The following ARSK variants were observed in gnomAD, a reference collection of about 807,000 sequenced individuals.
ARSK encodes the protein arylsulfatase family member K.
Under a neutral mutation model 53.2 loss-of-function variants are expected in ARSK, and 37 were observed. That is an observed-to-expected ratio of 0.70 (90% CI 0.54 to 0.92). The LOEUF is 0.92. ARSK is among the 40% of genes least tolerant of loss of function. The pLI is 0.00. For missense variants in ARSK, 613 were observed against 643.0 expected (o/e 0.95, Z 0.51); for synonymous variants, 208 against 223.2 (o/e 0.93, Z 0.61).
At position 95,555,458 on chromosome 5, in the gene ARSK, C is replaced by T. The variant is rs1748477487; in HGVS notation, c.126+54C>T. On this transcript the variant is annotated intron_variant, in intron 1 of 7. Coordinates refer to ENST00000380009, the MANE Select transcript of ARSK (RefSeq NM_198150.3). This position sits in a 1 kb window ranked among gnomAD's most constrained non-coding sequence, Gnocchi z 4.0. The stretch of plus-strand genomic sequence containing the variant: ...CCCCGCTGGGGATCGGCGACCTCAC[C>T]GCCGCCGCCTGTGCTGCAGGCTTTG... 1.9e-6 allele frequency: 3 copies of T among 1,541,286 alleles called. No homozygotes were observed. Among genetic ancestry groups the T allele is most frequent in the Non-Finnish European group, 2.6e-6 (3 of 1,140,480 alleles).
intron 3 of ARSK, among the ~76,000 whole-genome samples, chr5:95,577,706 A>G (rs572935462): frequency 3.6e-4 from 55 of 152,324 alleles, no homozygotes; most frequent in African/African-American, 1.3e-3. Flanking sequence ...AGATTTCACA[A>G]GATAAAATCC....
rs767060897 is a variant in ARSK, at chr5:95,582,927, A to C, written c.428A>C (p.Glu143Ala). ...SGHHSISNRV[E>A]AWTRDVAFLL... ...TTTTGCCCCCTCAGTAATCGTGTGG[A>C]AGCGTGGACAAGAGATGTTGCTTTC... The change falls in exon 4 of 8, where the codon GAA becomes GCA. Residue 143 changes from glutamate (E) to alanine (A), a missense_variant. Glu to Ala is a moderately radical substitution (Grantham distance 107). Transcript: ENST00000380009. The C allele has an allele frequency of 3.7e-6, 6 of 1,605,730 alleles. No individual in the cohort carries two copies. In the African/African-American group the frequency reaches 5.3e-5, roughly 14 times the overall value.
Position 95,583,186 on chromosome 5 carries a change from T to C in ARSK, c.687T>C (p.Tyr229=). 6.4e-7 allele frequency: 1 copy of C among 1,566,388 alleles called. No homozygotes were observed. The highest frequency in any genetic ancestry group is 8.7e-7 in the Non-Finnish European group (1 of 1,151,266). Residue 229 remains tyrosine, a synonymous_variant, in exon 4 of 8, where the codon TAT becomes TAC. Transcript: ENST00000380009. Reference sequence around the variant, plus strand: ...CTTCAACATTTCACACATCTCTTTATTGGCTTGAAAAAGTAAGTAACTACA... The same window carrying C: ...CTTCAACATTTCACACATCTCTTTACTGGCTTGAAAAAGTAAGTAACTACA... ...FGSSTFHTSL[Y]WLEKVSHDAI...
chr5:95,589,094 A>C (rs1580227876), intron 5 of ARSK, among the ~76,000 whole-genome samples: 1 of 152,090 alleles, frequency 6.6e-6, no homozygotes. Flanking sequence ...CTGTCTTTAG[A>C]TCCCAGCTCA....
intron 6 of ARSK, among the ~76,000 whole-genome samples, chr5:95,599,015 C>T (rs111354473): frequency 1.2e-3 from 179 of 152,284 alleles, no homozygotes; most frequent in African/African-American, 4.2e-3. Context: ...TCTCCCTTAC[C>T]CTGCCTTCTT....
chr5:95,562,194 G>A (rs909929688), intron 1 of ARSK, among the ~76,000 whole-genome samples: 4 of 151,934 alleles, frequency 2.6e-5, no homozygotes, highest in Non-Finnish European at 4.4e-5. Context: ...CTTGGTGACA[G>A]GGTGAGTCTC....
intron 6 of ARSK, chr5:95,600,512 T>G (rs886881801): frequency 3.6e-5 from 15 of 417,346 alleles, no homozygotes; most frequent in Middle Eastern, 7.4e-4. Context: ...TGTTGAAGGC[T>G]CCTATCTGCC....
At chr5:95,564,333 T>C (rs1471404258) in intron 1 of ARSK, among the ~76,000 whole-genome samples, 1 of 152,174 alleles carries the variant, frequency 6.6e-6, no homozygotes, top group Admixed American at 6.5e-5. Context: ...TCAGTAGTTA[T>C]TTGCTTAGCA....
Position 95,568,025 on chromosome 5 carries a change from A to G in ARSK, c.392A>G (p.Tyr131Cys). The stretch of plus-strand genomic sequence containing the variant: ...ACACAGAAATTTGGGAAACTGGACT[A>G]TACTTCAGGACATCACTCCATTAGG... ...YRTQKFGKLD[Y>C]TSGHHSISNR... Residue 131 changes from tyrosine (Y) to cysteine (C), a missense_variant, in exon 3 of 8, where the codon TAT becomes TGT. Physicochemically the swap from Tyr to Cys is radical, Grantham distance 194. Coordinates refer to ENST00000380009, the MANE Select transcript of ARSK (RefSeq NM_198150.3). 8.1e-6 allele frequency: 13 copies of G among 1,613,884 alleles called. No homozygotes were observed. The highest frequency in any genetic ancestry group is 1.1e-5 in the Non-Finnish European group (13 of 1,179,866).
intron 4 of ARSK, among the ~76,000 whole-genome samples, chr5:95,585,795 C>T (rs1393655086): frequency 6.6e-6 from 1 of 151,904 alleles, no homozygotes; most frequent in African/African-American, 2.4e-5. Context: ...CGCCTGTTCC[C>T]CAAAAACCTG....
At chr5:95,564,102 C>T (rs749009253) in intron 1 of ARSK, among the ~76,000 whole-genome samples, 15 of 151,724 alleles carry the variant, frequency 9.9e-5, no homozygotes, top group Non-Finnish European at 2.1e-4. Flanking sequence ...CTCAGCCTCC[C>T]GAGTAGCTGG....
In ARSK at chr5:95,600,877, T is replaced by C. The variant is rs1749389703; in HGVS notation, c.1127T>C (p.Leu376Pro). The change falls in exon 7 of 8, where the codon CTG becomes CCG. Residue 376 changes from leucine (L) to proline (P), a missense_variant. Transcript: ENST00000380009. ...GCTGGAATTCCTCTGCCTCAGAACCTGAGTGGATACTCTTTGTTGCCGTTA... is the reference window on the plus strand; with the variant it reads ...GCTGGAATTCCTCTGCCTCAGAACCCGAGTGGATACTCTTTGTTGCCGTTA... ...DIAGIPLPQNLSGYSLLPLSS... is the reference protein window; with the variant it reads ...DIAGIPLPQNPSGYSLLPLSS... The C allele has an allele frequency of 6.2e-7, 1 of 1,614,086 alleles. No homozygotes were observed. Among genetic ancestry groups the C allele is most frequent in the Non-Finnish European group, 8.5e-7 (1 of 1,179,924 alleles).
intron 6 of ARSK, among the ~76,000 whole-genome samples, chr5:95,592,785 G>A (rs1749241836): frequency 6.6e-6 from 1 of 152,184 alleles, no homozygotes; most frequent in Non-Finnish European, 1.5e-5. Context: ...TTGACCTTGT[G>A]ATCCGCTTGC....
At chr5:95,577,994 G>A (rs544057551) in intron 3 of ARSK, among the ~76,000 whole-genome samples, 3 of 152,130 alleles carry the variant, frequency 2.0e-5, no homozygotes, top group African/African-American at 4.8e-5. Flanking sequence ...TTTAAATAAC[G>A]TATATTTTAA....
Position 95,555,324 on chromosome 5 carries a change from G to T in ARSK, c.46G>T (p.Val16Leu). 6.2e-7 allele frequency: 1 copy of T among 1,607,842 alleles called. No homozygotes were observed. The highest frequency in any genetic ancestry group is 8.5e-7 in the Non-Finnish European group (1 of 1,179,354). The change falls in exon 1 of 8, where the codon GTA becomes TTA. Residue 16 changes from valine to leucine, a missense_variant. Val to Leu is a conservative substitution (Grantham distance 32). Transcript: ENST00000380009. This position sits in a 1 kb window ranked among gnomAD's most constrained non-coding sequence, Gnocchi z 4.0. Reference protein sequence around the residue: ...VSVVAALALAVLAPGAGEQRR... With the variant: ...VSVVAALALALLAPGAGEQRR... ...GGTGGTCGCAGCCTTGGCGCTGGCG[G>T]TACTGGCCCCCGGAGCAGGGGAGCA...
At chr5:95,578,321 A>ATT (rs543934915) in intron 3 of ARSK, among the ~76,000 whole-genome samples, 12 of 140,120 alleles carry the variant, frequency 8.6e-5, no homozygotes, top group East Asian at 2.1e-4. Context: ...CCAGTGAAGA[A>ATT]TTTTTTTTTT....
intron 4 of ARSK, 71 bp from the exon 5 acceptor site, chr5:95,586,491 A>G (rs1749114575): frequency 3.4e-6 from 4 of 1,184,218 alleles, no homozygotes; most frequent in African/African-American, 3.1e-5. Flanking sequence ...TGATTTCATC[A>G]TACATACTTA....
intron 1 of ARSK, among the ~76,000 whole-genome samples, chr5:95,565,281 C>T (rs1198318949): frequency 6.6e-6 from 1 of 152,136 alleles, no homozygotes; most frequent in African/African-American, 2.4e-5. Flanking sequence ...CAGGGTCTCC[C>T]TGTGTTGCCC....
At chr5:95,588,293 G>T (rs969808313) in intron 5 of ARSK, among the ~76,000 whole-genome samples, 2 of 149,616 alleles carry the variant, frequency 1.3e-5, no homozygotes, top group Admixed American at 1.3e-4. Flanking sequence ...CTGGAGTGCA[G>T]TGGCGGGGTC....
Sources: gnomAD v4.1 joint callset for allele counts (sites outside exome capture counted in the v4.1 genomes callset) on GRCh38, gnomAD v4.1.1 for gene constraint, Gnocchi (gnomAD v3.1) non-coding constraint, MANE v1.5 for transcripts, NCBI Gene and HGNC (gene_info 2026-07-23, HGNC 2026-07-21) for gene names.